The following RALGDS variants were observed in gnomAD, a reference collection of about 807,000 sequenced individuals.
The protein encoded by RALGDS is ral guanine nucleotide exchange factor.
Under a neutral mutation model 99.8 loss-of-function variants are expected in RALGDS, and 44 were observed. The observed-to-expected ratio is 0.44, with a 90% CI of 0.35 to 0.57. The LOEUF (loss-of-function observed/expected upper bound fraction) is 0.57. Among genes scored for constraint, RALGDS ranks in the 20% least tolerant of loss-of-function variants. The probability of loss-of-function intolerance (pLI) is 0.01; values close to 1 mark genes in which losing one functional copy is unlikely to be tolerated. For synonymous variants in RALGDS, 529 were observed against 505.0 expected (o/e 1.05, Z -0.64); for missense variants, 1,022 against 1,203.1 (o/e 0.85, Z 2.23).
intron 1 of RALGDS, among the ~76,000 whole-genome samples, chr9:133,120,017 C>A (rs1831839466): frequency 1.3e-5 from 2 of 152,230 alleles, no homozygotes; most frequent in Admixed American, 6.5e-5. Flanking sequence ...ACTGTGAAGG[C>A]TGCAGCCCAG....
At chr9:133,115,508 C>G (rs1831556559) in intron 1 of RALGDS, among the ~76,000 whole-genome samples, 1 of 152,160 alleles carries the variant, frequency 6.6e-6, no homozygotes, top group African/African-American at 2.4e-5. Context: ...CTTGCCACCC[C>G]CCTGCCAGCA....
At chr9:133,110,529 CACACGAA>C in intron 2 of RALGDS, 40 bp from the exon 3 acceptor site, 15 of 1,548,792 alleles carry the variant, frequency 9.7e-6, no homozygotes, top group Non-Finnish European at 1.3e-5. Context: ...TCAGTGGCAG[CACACGAA>C]TCTCCTGGAG....
chr9:133,101,375 C>T, intron 16 of RALGDS, 145 bp downstream of exon 16: 5 of 1,548,868 alleles, frequency 3.2e-6, no homozygotes, highest in Non-Finnish European at 4.4e-6. Flanking sequence ...CTGATCACTA[C>T]CTTCTTCATT....
At chr9:133,148,827 G>C (rs1440113118) in intron 1 of RALGDS, 30 of 1,061,076 alleles carry the variant, frequency 2.8e-5, no homozygotes, top group Non-Finnish European at 2.7e-6. Context: ...GTCCCGGGCG[G>C]GGTTGGACGC....
In RALGDS at chr9:133,121,198, G is replaced by GGGGGCGGCGGCGCGGCCCGCGCGGCT; in HGVS notation, c.-70_-45dup. ...GCGCGGGGCCGGCCCGGCGCGCGGC[G>GGGGGCGGCGGCGCGGCCCGCGCGGCT]GGGGCGGCGGCGCGGCCCGCGCGGC... On this transcript the variant is annotated 5_prime_UTR_variant, in exon 1 of 18. Transcript: ENST00000372050. The GGGGGCGGCGGCGCGGCCCGCGCGGCT allele has an allele frequency of 1.1e-6, 1 of 885,268 alleles. No individual in the cohort carries two copies. Among genetic ancestry groups the GGGGGCGGCGGCGCGGCCCGCGCGGCT allele is most frequent in the South Asian group, 4.8e-5 (1 of 20,712 alleles). 54.8% of individuals were successfully genotyped at this position (885,268 alleles called of 1,614,324 possible).
At chr9:133,123,831 G>GAC (rs56357571), upstream of RALGDS, among the ~76,000 whole-genome samples, 39 of 20,548 alleles carry the variant, frequency 1.9e-3, 9 homozygotes, top group African/African-American at 5.5e-3. Flanking sequence ...CAGAGACACA[G>GAC]ACACACACAC....
intron 9 of RALGDS, among the ~76,000 whole-genome samples, chr9:133,105,562 C>A (rs1013804137): frequency 8.5e-5 from 13 of 152,186 alleles, no homozygotes; most frequent in African/African-American, 3.1e-4. Context: ...CCTGGCCTCC[C>A]GGGGACAGAC....
intron 1 of RALGDS, among the ~76,000 whole-genome samples, chr9:133,147,800 G>C (rs1489214505): frequency 6.6e-6 from 1 of 152,224 alleles, no homozygotes; most frequent in East Asian, 1.9e-4. Flanking sequence ...GTCCCAGGGG[G>C]TCAAAGGAGC....
At chr9:133,131,153 T>C, upstream of RALGDS, 1 of 1,422,358 alleles carries the variant, frequency 7.0e-7, no homozygotes, top group Non-Finnish European at 9.1e-7. Context: ...CCTGCTCCTC[T>C]GAGCATCTCA....
At position 133,129,810 on chromosome 9, in the gene RALGDS, C is replaced by CTT. The variant is rs35514711; in HGVS notation, c.132+1140_132+1141dup. Among the ~76,000 whole-genome samples, 215 of 129,652 alleles carry CTT rather than the reference C, an allele frequency of 1.7e-3. 1 individual carries two copies. The highest frequency in any genetic ancestry group is 5.4e-3 in the African/African-American group (194 of 36,120). 85.1% of individuals were successfully genotyped at this position (129,652 alleles called of 152,430 possible). A position where few individuals can be genotyped will look rare whatever the true frequency, so the allele number is the denominator to read the frequency against. ...ACCCAGGCACGAGATTTCCTTTCTTCTTTTTTTTTTTTTTTTTTTCCCTGA... is the reference window on the plus strand; with the variant it reads ...ACCCAGGCACGAGATTTCCTTTCTTCTTTTTTTTTTTTTTTTTTTTTCCCTGA... On this transcript the variant is annotated intron_variant, in intron 1 of 17. Coordinates refer to the RALGDS transcript ENST00000372062.
rs61000878 is a variant in RALGDS, at chr9:133,116,248, C to A, written c.184-4096G>T. Among the ~76,000 whole-genome samples the A allele has an allele frequency of 3.5e-3, 526 of 152,362 alleles. 2 individuals carry two copies. Among genetic ancestry groups the A allele is most frequent in the African/African-American group, 0.011 (464 of 41,584 alleles). On this transcript the variant is annotated intron_variant, in intron 1 of 17. Transcript: ENST00000372050. ...GCATCAAGATGACAGGAGGCCAGCCCGGGGTGTGGGTGGGCCACACTCCTG... is the reference window on the plus strand; with the variant it reads ...GCATCAAGATGACAGGAGGCCAGCCAGGGGTGTGGGTGGGCCACACTCCTG...
exon 1 of RALGDS, chr9:133,149,048 G>C (rs1832672061): frequency 2.1e-6 from 3 of 1,408,158 alleles, no homozygotes; most frequent in Non-Finnish European, 2.8e-6. Flanking sequence ...CGCTCGCCTG[G>C]GCCCGCGCGC....
intron 8 of RALGDS, 104 bp from the exon 9 acceptor site, chr9:133,106,120 A>C: frequency 1.2e-6 from 1 of 861,270 alleles, no homozygotes; most frequent in Non-Finnish European, 1.9e-6. Flanking sequence ...GACTGCCTGA[A>C]CGCAGCACAC....
Position 133,127,926 on chromosome 9 carries a change from C to T in RALGDS, c.132+3026G>A, listed in dbSNP as rs112147331. On this transcript the variant is annotated intron_variant, in intron 1 of 17. Coordinates refer to the RALGDS transcript ENST00000372062. ...GTGCCGATGCCGGGAGCAGTGCAAA[C>T]GGCCCTGGACGGGGATGCAGAGGGC... Among the ~76,000 whole-genome samples the T allele has an allele frequency of 5.3e-3, 802 of 152,334 alleles. 7 individuals are homozygous for T. Among genetic ancestry groups the T allele is most frequent in the African/African-American group, 0.018 (760 of 41,586 alleles).
At chr9:133,102,193 C>G (rs1830789516) in intron 14 of RALGDS, 54 bp from the exon 15 acceptor site, 1 of 1,528,994 alleles carries the variant, frequency 6.5e-7, no homozygotes, top group South Asian at 1.2e-5. Context: ...CATCCCAACC[C>G]CACAGCCCCT....
chr9:133,137,532 G>A (rs1431402941), intron 1 of RALGDS, among the ~76,000 whole-genome samples: 1 of 152,228 alleles, frequency 6.6e-6, no homozygotes, highest in African/African-American at 2.4e-5. Context: ...GGAAGGGCGG[G>A]GCGCCTCTGC....
intron 1 of RALGDS, among the ~76,000 whole-genome samples, chr9:133,114,498 C>A (rs754882903): frequency 2.0e-4 from 30 of 152,168 alleles, no homozygotes; most frequent in Admixed American, 1.7e-3. Context: ...CTGGCAGCTG[C>A]CCCAGAACCC....
chr9:133,099,114 T>G (rs1830627278), intron 17 of RALGDS: 2 of 313,170 alleles, frequency 6.4e-6, no homozygotes, highest in South Asian at 3.2e-5. Context: ...CCTGCCCTAC[T>G]CAGGACAAGG....
intron 1 of RALGDS, among the ~76,000 whole-genome samples, chr9:133,120,055 C>T (rs979766973): frequency 6.6e-6 from 1 of 152,184 alleles, no homozygotes; most frequent in Non-Finnish European, 1.5e-5. Flanking sequence ...CCTGAGCCCC[C>T]GATCCAGGAA....
Sources: allele counts gnomAD v4.1 joint callset (sites outside exome capture counted in the v4.1 genomes callset), GRCh38; gene constraint gnomAD v4.1.1; transcripts MANE v1.5; gene names NCBI Gene and HGNC (gene_info 2026-07-23, HGNC 2026-07-21).